The following ADCY2 variants were observed in gnomAD, a reference collection of about 807,000 sequenced individuals.
The protein encoded by ADCY2 is adenylate cyclase 2, also known as adenylate cyclase type 2.
A neutral mutation model predicts 125.2 loss-of-function variants in ADCY2; 31 were observed. The ratio of observed to expected loss-of-function variants is 0.25; its 90% CI spans 0.19 to 0.33. The LOEUF (loss-of-function observed/expected upper bound fraction) is 0.33. Ranked by LOEUF, ADCY2 falls within the 10% of genes least tolerant of loss-of-function variation. ADCY2 has a pLI of 1.00. For synonymous variants in ADCY2, 512 were observed against 548.4 expected (o/e 0.93, Z 0.93); for missense variants, 904 against 1,418.2 (o/e 0.64, Z 5.82).
chr5:7,660,196 A>C (rs1404807946), intron 4 of ADCY2, among the ~76,000 whole-genome samples: 1 of 145,530 alleles, frequency 6.9e-6, no homozygotes, highest in African/African-American at 2.5e-5. Flanking sequence ...AAAAGTGGAA[A>C]AGAAAGAAAG....
At chr5:7,590,318 A>G (rs1360154179) in intron 3 of ADCY2, among the ~76,000 whole-genome samples, 1 of 152,242 alleles carries the variant, frequency 6.6e-6, no homozygotes, top group Non-Finnish European at 1.5e-5. Context: ...ATTTACTCAG[A>G]TAATGATAGA....
chr5:7,521,051 A>G (rs34338104), intron 3 of ADCY2, 152 bp downstream of exon 3: 100,162 of 820,470 alleles, frequency 0.12, 7,585 homozygotes, highest in East Asian at 0.31. Flanking sequence ...AACACTGAGG[A>G]GCCAGCCCCA....
chr5:7,812,540 A>G (rs1744978314), intron 22 of ADCY2, among the ~76,000 whole-genome samples: 1 of 152,240 alleles, frequency 6.6e-6, no homozygotes, highest in Non-Finnish European at 1.5e-5. Context: ...AAGGAGACTA[A>G]GACCCAAGAC....
chr5:7,602,112 G>T (rs1271649840), intron 3 of ADCY2, among the ~76,000 whole-genome samples: 2 of 152,106 alleles, frequency 1.3e-5, no homozygotes, highest in Admixed American at 6.5e-5. Context: ...ATTGGATTTT[G>T]GGTCCACTCT....
chr5:7,787,427 A>C (rs1744117043), intron 19 of ADCY2, among the ~76,000 whole-genome samples: 1 of 152,238 alleles, frequency 6.6e-6, no homozygotes, highest in East Asian at 1.9e-4. Context: ...CACATTCATA[A>C]AGACATTATT....
intron 3 of ADCY2, among the ~76,000 whole-genome samples, chr5:7,546,687 C>G (rs1438423512): frequency 6.6e-6 from 1 of 152,226 alleles, no homozygotes; most frequent in African/African-American, 2.4e-5. Flanking sequence ...ATGTGTTATG[C>G]TTAAGATGCA....
Position 7,512,218 on chromosome 5 carries a change from C to CAAAAAAAAAAAAAAAAAAAAAAAA in ADCY2, c.409-8498_409-8497insAAAAAAAAAAAAAAAAAAAAAAAA, listed in dbSNP as rs57381383. On this transcript the variant is annotated intron_variant, in intron 2 of 24. Coordinates refer to ENST00000338316, the MANE Select transcript of ADCY2 (RefSeq NM_020546.3). ...CCTGGGCAGTAGAGCATGACTCCAT[C>CAAAAAAAAAAAAAAAAAAAAAAAA]AAAAAAAAAAAAAAAAAAAAAAGAA... is the stretch of plus-strand genomic sequence containing the variant. 5.4e-4 allele frequency among the ~76,000 whole-genome samples: 31 copies of CAAAAAAAAAAAAAAAAAAAAAAAA among 57,884 alleles called. 3 individuals carry two copies. Among genetic ancestry groups the CAAAAAAAAAAAAAAAAAAAAAAAA allele is most frequent in the Admixed American group, 1.7e-3 (6 of 3,490 alleles). The allele number at this position is 57,884 out of a possible 152,430, so 38.0% of individuals were successfully genotyped here.
At chr5:7,705,049 C>T (rs1252233493) in intron 7 of ADCY2, among the ~76,000 whole-genome samples, 1 of 152,130 alleles carries the variant, frequency 6.6e-6, no homozygotes, top group African/African-American at 2.4e-5. Flanking sequence ...CCCTTTTTAT[C>T]CTTCCTTGGC....
At chr5:7,577,199 A>G (rs1476589265) in intron 3 of ADCY2, among the ~76,000 whole-genome samples, 1 of 152,160 alleles carries the variant, frequency 6.6e-6, no homozygotes, top group Non-Finnish European at 1.5e-5. Context: ...CAGGGTGGAC[A>G]GGGAAAGCCT....
intron 2 of ADCY2, among the ~76,000 whole-genome samples, chr5:7,509,763 G>A (rs1743987739): frequency 1.3e-5 from 2 of 152,124 alleles, no homozygotes; most frequent in African/African-American, 4.8e-5. Flanking sequence ...CTAAGCCTAA[G>A]GTAACTGTAT....
intron 4 of ADCY2, among the ~76,000 whole-genome samples, chr5:7,639,205 C>T (rs1201270059): frequency 1.3e-5 from 2 of 152,176 alleles, no homozygotes; most frequent in Admixed American, 6.6e-5. Flanking sequence ...GAACCTACTA[C>T]AGTGCCTGCA....
rs938528883 is a variant in ADCY2 at position 7,829,843 on chromosome 5, C to T, written c.*2972C>T. ...CTATAATCCCAATATTTTGGGAGGC[C>T]GAGGAGAGAGGATCACTTAAGCCCA... On this transcript the variant is annotated 3_prime_UTR_variant, in exon 25 of 25. Coordinates refer to ENST00000338316, the MANE Select transcript of ADCY2 (RefSeq NM_020546.3). 5 of 152,162 alleles carry T rather than the reference C, an allele frequency of 3.3e-5. No homozygotes were observed. The highest frequency in any genetic ancestry group is 4.2e-4 in the South Asian group (2 of 4,814). 9.4% of individuals were successfully genotyped at this position (152,162 alleles called of 1,614,324 possible).
In ADCY2 at chr5:7,508,582, TAAAAGC is replaced by T. The variant is rs1222115816; in HGVS notation, c.409-12155_409-12150del. Among the ~76,000 whole-genome samples, 3 of 152,160 alleles carry T rather than the reference TAAAAGC, an allele frequency of 2.0e-5. No individual in the cohort carries two copies. The East Asian group carries it at 5.8e-4, about 29-fold the overall frequency. On this transcript the variant is annotated intron_variant, in intron 2 of 24. Transcript: ENST00000338316. Reference sequence around the variant, plus strand: ...TGGCAAAAATATGGACTGAGGCTTCTAAAAGCCCCAGTTCTGAACTGGCAAGGTGTT... The same window carrying T: ...TGGCAAAAATATGGACTGAGGCTTCTCCCAGTTCTGAACTGGCAAGGTGTT...
intron 2 of ADCY2, among the ~76,000 whole-genome samples, chr5:7,505,528 C>T (rs756946733): frequency 5.9e-5 from 9 of 152,162 alleles, no homozygotes; most frequent in East Asian, 1.9e-4. Flanking sequence ...GGGTTGGAGC[C>T]GAGGACTGTG....
At chr5:7,459,826 G>A (rs1579464939) in intron 2 of ADCY2, among the ~76,000 whole-genome samples, 3 of 110,946 alleles carry the variant, frequency 2.7e-5, no homozygotes, top group East Asian at 3.1e-4. Flanking sequence ...TGGCTCTCTC[G>A]CCCAGGCTGG....
chr5:7,586,764 T>G (rs948036764), intron 3 of ADCY2, among the ~76,000 whole-genome samples: 23 of 152,034 alleles, frequency 1.5e-4, no homozygotes, highest in African/African-American at 4.8e-4. Context: ...TAGGTGAGCG[T>G]TGGGGAGTCC....
At chr5:7,801,998 CTCT>C (rs1744611857) in intron 20 of ADCY2, 1 of 488,182 alleles carries the variant, frequency 2.0e-6, no homozygotes, top group Non-Finnish European at 3.6e-6. Context: ...GGCAAGGCAC[CTCT>C]TCTTAACTGG....
At chr5:7,532,624 T>C (rs1033511956) in intron 3 of ADCY2, among the ~76,000 whole-genome samples, 1 of 152,186 alleles carries the variant, frequency 6.6e-6, no homozygotes, top group Non-Finnish European at 1.5e-5. Context: ...GAAGTAGCCA[T>C]TGGTTCTTAT....
intron 2 of ADCY2, among the ~76,000 whole-genome samples, chr5:7,462,697 T>A (rs1331843085): frequency 2.6e-5 from 4 of 152,264 alleles, no homozygotes; most frequent in East Asian, 1.9e-4. Flanking sequence ...ATTTTTAGTA[T>A]ATGCTTTGCT....
Sources: allele counts gnomAD v4.1 joint callset (sites outside exome capture counted in the v4.1 genomes callset), GRCh38; gene constraint gnomAD v4.1.1; transcripts MANE v1.5; gene names NCBI Gene and HGNC (gene_info 2026-07-23, HGNC 2026-07-21).